DAB2IP: variants seen among roughly 807,000 people sequenced by gnomAD.
DAB2IP encodes disabled homolog 2-interacting protein.
Under a neutral mutation model 107.2 loss-of-function variants are expected in DAB2IP, and 28 were observed. That is an observed-to-expected ratio of 0.26 (90% confidence interval 0.19 to 0.36). The LOEUF (loss-of-function observed/expected upper bound fraction) is 0.36, where lower values mean the gene tolerates loss of function less well. DAB2IP is among the 10% of genes least tolerant of loss of function. The pLI is 1.00. For missense variants in DAB2IP, 1,400 were observed against 1,644.7 expected (o/e 0.85, Z 2.57); for synonymous variants, 755 against 706.4 (o/e 1.07, Z -1.09).
chr9:121,679,059 C>T (rs556077829), intron 2 of DAB2IP, among the ~76,000 whole-genome samples: 3 of 152,114 alleles, frequency 2.0e-5, no homozygotes, highest in African/African-American at 4.8e-5. Context: ...TGAGCTGGCC[C>T]GGAAAGAGAA....
chr9:121,773,404 A>AT lies in DAB2IP; in HGVS notation c.2878dup (p.Trp960LeufsTer69). 1 of 1,590,258 alleles carries AT rather than the reference A, an allele frequency of 6.3e-7. No homozygotes were observed. The highest frequency in any genetic ancestry group is 2.2e-5 in the East Asian group (1 of 44,522). ...GGAACCCTGGCGTCGGCCTCACCTG[A>AT]TTGGGTGGGCCCCAGTACCCGCCTG... On this transcript the variant is annotated frameshift_variant, in exon 12 of 16. Coordinates refer to ENST00000408936, the Ensembl canonical transcript of DAB2IP. LOFTEE classifies it high-confidence loss of function.
intron 2 of DAB2IP, among the ~76,000 whole-genome samples, chr9:121,693,940 A>C (rs143963962): frequency 6.6e-6 from 1 of 152,248 alleles, no homozygotes; most frequent in Non-Finnish European, 1.5e-5. Flanking sequence ...GCGGTGCTGA[A>C]ATGCAGATCC....
chr9:121,770,796 G>T, intron 11 of DAB2IP, 72 bp downstream of exon 11: 4 of 1,559,554 alleles, frequency 2.6e-6, no homozygotes, highest in Non-Finnish European at 3.5e-6. Context: ...TGTAATCTCA[G>T]ATGGGGAAAG....
chr9:121,595,159 A>T (rs143085717), intron 1 of DAB2IP, among the ~76,000 whole-genome samples: 1,743 of 152,220 alleles, frequency 0.011, 47 homozygotes, highest in African/African-American at 0.039. Flanking sequence ...AGAAAGGATG[A>T]CCAGGTTATT....
intron 3 of DAB2IP, among the ~76,000 whole-genome samples, chr9:121,739,675 A>AT (rs1661807457): frequency 6.6e-6 from 1 of 152,174 alleles, no homozygotes; most frequent in African/African-American, 2.4e-5. Context: ...CACGCTGGAC[A>AT]TTTCAGACGT....
intron 14 of DAB2IP, among the ~76,000 whole-genome samples, chr9:121,777,538 T>C (rs975884522): frequency 4.6e-5 from 7 of 152,254 alleles, no homozygotes; most frequent in Non-Finnish European, 1.0e-4. Flanking sequence ...GATATTTGCA[T>C]GTTCTGAATT....
chr9:121,776,519 G>A lies in DAB2IP; in HGVS notation c.3314+128G>A, dbSNP rs1835211684. 1.8e-6 allele frequency: 2 copies of A among 1,123,804 alleles called. No individual in the cohort carries two copies. Among genetic ancestry groups the A allele is most frequent in the Non-Finnish European group, 2.5e-6 (2 of 812,358 alleles). 69.6% of individuals were successfully genotyped at this position (1,123,804 alleles called of 1,614,324 possible). A position where few individuals can be genotyped will look rare whatever the true frequency, so the allele number is the denominator to read the frequency against. ...GAATGTGGAGAGAGGAGGGAAGAGAGTGTCTGGGCAGTGGGAGCAGCGTGA... is the reference window on the plus strand; with the variant it reads ...GAATGTGGAGAGAGGAGGGAAGAGAATGTCTGGGCAGTGGGAGCAGCGTGA... On this transcript the variant is annotated intron_variant, in intron 14 of 15. Transcript: ENST00000408936. The surrounding 1 kb of genome is among the most constrained non-coding windows in gnomAD (Gnocchi z 5.4).
chr9:121,728,944 C>T (rs778981209), intron 3 of DAB2IP, among the ~76,000 whole-genome samples: 1 of 152,180 alleles, frequency 6.6e-6, no homozygotes, highest in Non-Finnish European at 1.5e-5. Context: ...CATCTGTTAA[C>T]GACAAGTTTG....
chr9:121,723,225 G>A (rs1376764793), intron 3 of DAB2IP, among the ~76,000 whole-genome samples: 1 of 152,206 alleles, frequency 6.6e-6, no homozygotes, highest in Non-Finnish European at 1.5e-5. Context: ...CAGGCCGTGG[G>A]CTGCCTCAGC....
At chr9:121,704,934 G>A (rs1829980351) in intron 3 of DAB2IP, among the ~76,000 whole-genome samples, 1 of 152,212 alleles carries the variant, frequency 6.6e-6, no homozygotes, top group African/African-American at 2.4e-5. Context: ...CTGCAGCATT[G>A]TACTTGAGCC....
At chr9:121,642,064 TTTCTTTCTTTCTTTCTTTCTCA>T in intron 1 of DAB2IP, among the ~76,000 whole-genome samples, 3 of 117,692 alleles carry the variant, frequency 2.5e-5, no homozygotes, top group Non-Finnish European at 1.6e-5. Context: ...TCTTTCTTTC[TTTCTTTCTTTCTTTCTTTCTCA>T]CTTTCTTTTT....
At chr9:121,741,519 G>A (rs1272911218) in intron 3 of DAB2IP, among the ~76,000 whole-genome samples, 1 of 152,064 alleles carries the variant, frequency 6.6e-6, no homozygotes, top group Non-Finnish European at 1.5e-5. Context: ...GGGTAGCCGA[G>A]ACAGGTTGTT....
intron 1 of DAB2IP, among the ~76,000 whole-genome samples, chr9:121,612,834 C>G (rs1055300172): frequency 6.6e-6 from 1 of 152,346 alleles, no homozygotes; most frequent in South Asian, 2.1e-4. Context: ...AGGAGGACAA[C>G]TGCTCAGGTT....
At chr9:121,595,627 G>GA (rs1830515411) in intron 1 of DAB2IP, among the ~76,000 whole-genome samples, 1 of 150,748 alleles carries the variant, frequency 6.6e-6, no homozygotes, top group Non-Finnish European at 1.5e-5. Context: ...AAAAGAAGAA[G>GA]AAGAAAGAAA....
At chr9:121,704,779 C>T (rs1265654245) in intron 3 of DAB2IP, among the ~76,000 whole-genome samples, 1 of 152,196 alleles carries the variant, frequency 6.6e-6, no homozygotes, top group Non-Finnish European at 1.5e-5. Context: ...TGTATTTACA[C>T]AGCACTTTAA....
chr9:121,620,971 C>A (rs1429050508), intron 1 of DAB2IP, among the ~76,000 whole-genome samples: 2 of 152,230 alleles, frequency 1.3e-5, no homozygotes, highest in Non-Finnish European at 2.9e-5. Flanking sequence ...CTCCTAACAA[C>A]CACTTCCTCT....
chr9:121,631,745 G>A (rs1227882143), intron 1 of DAB2IP, among the ~76,000 whole-genome samples: 4 of 151,280 alleles, frequency 2.6e-5, no homozygotes, highest in Non-Finnish European at 5.9e-5. Flanking sequence ...GAACCCGGGA[G>A]GTGGAGGTTG....
intron 1 of DAB2IP, among the ~76,000 whole-genome samples, chr9:121,608,118 A>G (rs1246797339): frequency 6.6e-6 from 1 of 152,224 alleles, no homozygotes; most frequent in East Asian, 1.9e-4. Flanking sequence ...GGAGTTAAAA[A>G]TAGACACCCT....
intron 1 of DAB2IP, among the ~76,000 whole-genome samples, chr9:121,591,189 C>G (rs1284818710): frequency 6.6e-6 from 1 of 152,144 alleles, no homozygotes; most frequent in Non-Finnish European, 1.5e-5. Flanking sequence ...GAGGCTAGGG[C>G]CAGGCATGGT....
Sources: allele counts gnomAD v4.1 joint callset (sites outside exome capture counted in the v4.1 genomes callset), GRCh38; gene constraint gnomAD v4.1.1; non-coding constraint Gnocchi (gnomAD v3.1); transcripts MANE v1.5; gene names NCBI Gene and HGNC (gene_info 2026-07-23, HGNC 2026-07-21).